MAML3: variants seen among roughly 807,000 people sequenced by gnomAD.
MAML3 encodes mastermind-like protein 3.
A neutral mutation model predicts 101.9 loss-of-function variants in MAML3; 27 were observed. The observed-to-expected ratio is 0.27, with a 90% confidence interval of 0.20 to 0.37. The LOEUF (loss-of-function observed/expected upper bound fraction) is 0.37. MAML3 is among the 10% of genes least tolerant of loss of function. The pLI, the probability that MAML3 is intolerant of heterozygous loss-of-function variation, is 1.00. For missense variants in MAML3, 1,316 were observed against 1,444.9 expected, an observed-to-expected ratio of 0.91 and a Z score of 1.45; for synonymous variants, 501 against 555.9, an observed-to-expected ratio of 0.90 and a Z score of 1.39.
At chr4:139,789,877 C>T (rs1029891736) in intron 2 of MAML3, among the ~76,000 whole-genome samples, 2 of 151,652 alleles carry the variant, frequency 1.3e-5, no homozygotes, top group Admixed American at 6.6e-5. Context: ...ACATGGGGGT[C>T]GAAGGTGACT....
intron 1 of MAML3, among the ~76,000 whole-genome samples, chr4:139,957,622 A>ACAGT (rs1733938556): frequency 6.6e-6 from 1 of 152,206 alleles, no homozygotes; most frequent in East Asian, 1.9e-4. Context: ...CCAAAGAATG[A>ACAGT]CAGTCCTGCA....
At chr4:139,740,465 G>A (rs966503803) in intron 2 of MAML3, 4 of 152,074 alleles carry the variant, frequency 2.6e-5, no homozygotes, top group African/African-American at 7.2e-5. Flanking sequence ...CCATATGTTT[G>A]CTACCTTTCT....
In MAML3 at chr4:139,913,606, C is replaced by T. The variant is rs761181047; in HGVS notation, c.469-22639G>A. Among the ~76,000 whole-genome samples the T allele has an allele frequency of 8.8e-4, 134 of 152,160 alleles. 2 individuals carry two copies. Among genetic ancestry groups the T allele is most frequent in the Non-Finnish European group, 4.6e-4 (31 of 68,028 alleles). ...CGGTTATGTACTCCTGGGTGACTCTCTCAGAAGCAGACGTTCAATGGCTGT... is the reference window on the plus strand; with the variant it reads ...CGGTTATGTACTCCTGGGTGACTCTTTCAGAAGCAGACGTTCAATGGCTGT... On this transcript the variant is annotated intron_variant, in intron 1 of 4. Transcript: ENST00000509479.
At chr4:140,018,406 T>C (rs953825641) in intron 1 of MAML3, among the ~76,000 whole-genome samples, 2 of 152,188 alleles carry the variant, frequency 1.3e-5, no homozygotes, top group African/African-American at 4.8e-5. Flanking sequence ...GAGCAAATGT[T>C]TTAAAGAAGA....
At chr4:139,809,140 C>A (rs981333838) in intron 2 of MAML3, among the ~76,000 whole-genome samples, 1 of 152,208 alleles carries the variant, frequency 6.6e-6, no homozygotes, top group African/African-American at 2.4e-5. Context: ...TATCAGGGAG[C>A]TTGGGATTAA....
chr4:139,789,493 G>T (rs1345322175), intron 2 of MAML3, among the ~76,000 whole-genome samples: 1 of 152,204 alleles, frequency 6.6e-6, no homozygotes, highest in Non-Finnish European at 1.5e-5. Context: ...CACACAGCAG[G>T]TTGAGTCCGT....
intron 1 of MAML3, among the ~76,000 whole-genome samples, chr4:140,039,993 G>C (rs1201913614): frequency 6.6e-6 from 1 of 152,170 alleles, no homozygotes; most frequent in Non-Finnish European, 1.5e-5. Flanking sequence ...TGAGGAAAAT[G>C]GAGTGCACAA....
intron 1 of MAML3, among the ~76,000 whole-genome samples, chr4:140,046,681 G>A (rs1578657889): frequency 6.6e-6 from 1 of 152,060 alleles, no homozygotes; most frequent in Admixed American, 6.5e-5. Context: ...GAAATACAAA[G>A]ATGAGGAAGA....
intron 1 of MAML3, among the ~76,000 whole-genome samples, chr4:139,944,635 A>G (rs1253561526): frequency 3.7e-4 from 55 of 150,548 alleles, no homozygotes; most frequent in Non-Finnish European, 7.3e-4. Flanking sequence ...AAAAGTGGGC[A>G]AAGGACATGA....
intron 1 of MAML3, among the ~76,000 whole-genome samples, chr4:139,974,313 G>A (rs1472752751): frequency 6.6e-6 from 1 of 152,046 alleles, no homozygotes; most frequent in African/African-American, 2.4e-5. Flanking sequence ...CACAGTGTTA[G>A]CCAGGATGGT....
intron 1 of MAML3, among the ~76,000 whole-genome samples, chr4:139,991,433 T>A (rs1734670394): frequency 6.6e-6 from 1 of 152,168 alleles, no homozygotes; most frequent in Non-Finnish European, 1.5e-5. Context: ...ACATTAGACC[T>A]AAAACCATAA....
intron 1 of MAML3, among the ~76,000 whole-genome samples, chr4:139,955,116 G>C (rs2110764967): frequency 6.6e-6 from 1 of 152,062 alleles, no homozygotes; most frequent in African/African-American, 2.4e-5. Context: ...GGGACTAAAA[G>C]GCCATCCAAC....
intron 2 of MAML3, among the ~76,000 whole-genome samples, chr4:139,881,754 T>G (rs1260725146): frequency 6.6e-5 from 10 of 152,226 alleles, no homozygotes; most frequent in Non-Finnish European, 1.3e-4. Context: ...CAGACTGCAG[T>G]GCAGTGGTGC....
intron 2 of MAML3, among the ~76,000 whole-genome samples, chr4:139,734,098 CTG>C (rs1180171129): frequency 6.6e-6 from 1 of 152,226 alleles, no homozygotes; most frequent in Non-Finnish European, 1.5e-5. Context: ...GCCCCCGACT[CTG>C]AGGTGTATTC....
intron 2 of MAML3, among the ~76,000 whole-genome samples, chr4:139,854,080 C>T (rs1731611542): frequency 6.6e-6 from 1 of 152,106 alleles, no homozygotes. Context: ...GCCTCGTCCT[C>T]TCAAAGTGCT....
chr4:139,777,654 G>T (rs552643098), intron 2 of MAML3, among the ~76,000 whole-genome samples: 1 of 152,348 alleles, frequency 6.6e-6, no homozygotes, highest in Admixed American at 6.5e-5. Flanking sequence ...AGCCACCCAA[G>T]TAACTGGGAC....
intron 2 of MAML3, among the ~76,000 whole-genome samples, chr4:139,838,768 AC>A (rs1731306135): frequency 6.6e-6 from 1 of 152,082 alleles, no homozygotes; most frequent in Admixed American, 6.5e-5. Flanking sequence ...GAATAGAAAA[AC>A]TTTTATTATT....
At chr4:140,069,606 A>C (rs1211010577) in intron 1 of MAML3, among the ~76,000 whole-genome samples, 4 of 146,890 alleles carry the variant, frequency 2.7e-5, no homozygotes, top group Non-Finnish European at 4.5e-5. Flanking sequence ...AGGAGGAAGA[A>C]GAAGAAGAAG....
At chr4:140,119,335 C>G (rs1728565734) in intron 1 of MAML3, among the ~76,000 whole-genome samples, 1 of 152,126 alleles carries the variant, frequency 6.6e-6, no homozygotes, top group Non-Finnish European at 1.5e-5. Flanking sequence ...GAAAGGAACC[C>G]AGATTCAGCC....
Sources: allele counts gnomAD v4.1 joint callset (sites outside exome capture counted in the v4.1 genomes callset), GRCh38; gene constraint gnomAD v4.1.1; transcripts MANE v1.5; gene names NCBI Gene and HGNC (gene_info 2026-07-23, HGNC 2026-07-21).